The following ZBTB11 variants were observed in gnomAD, a reference collection of about 807,000 sequenced individuals.
ZBTB11 encodes zinc finger and BTB domain containing 11.
In ZBTB11, 68 loss-of-function variants were observed where a neutral mutation model predicts 113.1. The ratio of observed to expected loss-of-function variants is 0.60; its 90% CI spans 0.49 to 0.74. The LOEUF (loss-of-function observed/expected upper bound fraction) is 0.74, where lower values mean the gene tolerates loss of function less well. ZBTB11 is among the 30% of genes least tolerant of loss of function. The probability of loss-of-function intolerance (pLI) is 0.00; values close to 1 mark genes in which losing one functional copy is unlikely to be tolerated. For missense variants in ZBTB11, 1,104 were observed against 1,279.4 expected (o/e 0.86, Z 2.09); for synonymous variants, 518 against 452.6 (o/e 1.14, Z -1.83).
chr3:101,652,259 A>T (rs1275869557), intron 10 of ZBTB11, among the ~76,000 whole-genome samples: 1 of 152,350 alleles, frequency 6.6e-6, no homozygotes, highest in African/African-American at 2.4e-5. Flanking sequence ...TTCAAAGCAG[A>T]GGCTTCAAAT....
chr3:101,656,738 A>G (rs913799591), intron 6 of ZBTB11, among the ~76,000 whole-genome samples: 2 of 152,136 alleles, frequency 1.3e-5, no homozygotes, highest in Admixed American at 6.6e-5. Context: ...TTGCTATGAC[A>G]GTTTCTACAT....
At position 101,665,185 on chromosome 3, in the gene ZBTB11, C is replaced by T. The variant is rs377108340; in HGVS notation, c.1402G>A (p.Glu468Lys). ...TTCTGCCTATGTTTTGGAATGTCTT[C>T]GGCACAAATATCCTCAGCTGATATA... ...NDISAEDICAEDIPKHRQKVD... is the reference protein window; with the variant it reads ...NDISAEDICAKDIPKHRQKVD... Residue 468 changes from glutamate (E) to lysine (K), a missense_variant, in exon 4 of 11, where the codon GAA (glutamate) becomes AAA (lysine). Glu to Lys is a moderately conservative substitution (Grantham distance 56). Around this residue, in one of 5 missense-constraint regions of ZBTB11, gnomAD observed 535 missense variants for 518.6 expected, o/e 1.03. Coordinates refer to ENST00000312938, the MANE Select transcript of ZBTB11 (RefSeq NM_014415.4). The T allele has an allele frequency of 7.3e-5, 118 of 1,614,128 alleles. No individual in the cohort carries two copies. The highest frequency in any genetic ancestry group is 1.2e-4 in the South Asian group (11 of 91,082).
chr3:101,651,830 C>A, intron 10 of ZBTB11, 147 bp from the exon 11 acceptor site: 1 of 918,418 alleles, frequency 1.1e-6, no homozygotes, highest in Non-Finnish European at 1.5e-6. Flanking sequence ...TTAGGACTTT[C>A]CTTAGAATAA....
intron 3 of ZBTB11, among the ~76,000 whole-genome samples, chr3:101,668,716 T>A (rs879110818): frequency 6.6e-6 from 1 of 152,166 alleles, no homozygotes; most frequent in East Asian, 1.9e-4. Context: ...TTACCCTCAT[T>A]TGATCATTAC....
intron 10 of ZBTB11, among the ~76,000 whole-genome samples, chr3:101,651,990 G>A (rs751808793): frequency 2.6e-5 from 4 of 152,036 alleles, no homozygotes; most frequent in African/African-American, 4.8e-5. Flanking sequence ...TTAGCCCAGC[G>A]TGGTGGCGGG....
chr3:101,661,513 G>C (rs1936887343), intron 5 of ZBTB11, among the ~76,000 whole-genome samples: 1 of 152,178 alleles, frequency 6.6e-6, no homozygotes, highest in Non-Finnish European at 1.5e-5. Flanking sequence ...AAGTTTGACT[G>C]ATTGGCTGTA....
At chr3:101,663,789 C>T (rs1559985108) in intron 5 of ZBTB11, among the ~76,000 whole-genome samples, 1 of 152,128 alleles carries the variant, frequency 6.6e-6, no homozygotes, top group Non-Finnish European at 1.5e-5. Context: ...ACTCAGGAGG[C>T]TGAGGCAGGA....
rs775069455 is a variant in ZBTB11, at chr3:101,665,031, C to G, written c.1556G>C (p.Arg519Pro). Residue 519 changes from arginine to proline, a missense_variant, in exon 4 of 11, where the codon CGA becomes CCA. By Grantham distance (103) the Arg-to-Pro change is moderately radical. Around this residue, in one of 5 missense-constraint regions of ZBTB11, gnomAD observed 535 missense variants for 518.6 expected, o/e 1.03. Coordinates refer to ENST00000312938, the MANE Select transcript of ZBTB11 (RefSeq NM_014415.4). Reference protein sequence around the residue: ...QRSVNEGAYIRLHKGMEKKLQ... With the variant: ...QRSVNEGAYIPLHKGMEKKLQ... ...CTTTTTCTCCATTCCCTTGTGTAGT[C>G]GAATATATGCCCCTTCATTAACAGA... is the stretch of plus-strand genomic sequence containing the variant. The G allele has an allele frequency of 1.9e-6, 3 of 1,614,074 alleles. No individual in the cohort carries two copies. Among genetic ancestry groups the G allele is most frequent in the Non-Finnish European group, 2.5e-6 (3 of 1,180,004 alleles).
Position 101,651,132 on chromosome 3 carries a change from G to A in ZBTB11, c.*34C>T, listed in dbSNP as rs768743807. ...AATGTTCTGTGAGTTCAGTGTACAA[G>A]AGATGTCACTTCTTTTTATCTTCAT... On this transcript the variant is annotated 3_prime_UTR_variant, in exon 11 of 11. Transcript: ENST00000312938. 20 of 1,535,568 alleles carry A rather than the reference G, an allele frequency of 1.3e-5. No homozygotes were observed. Among genetic ancestry groups the A allele is most frequent in the South Asian group, 2.6e-5 (2 of 76,588 alleles).
intron 3 of ZBTB11, among the ~76,000 whole-genome samples, chr3:101,669,481 ATAGTT>A (rs1937051039): frequency 1.3e-5 from 2 of 152,262 alleles, no homozygotes; most frequent in Non-Finnish European, 2.9e-5. Flanking sequence ...ATGCTGTGCC[ATAGTT>A]TTTTTCAGGC....
chr3:101,676,431 T>C (rs1050714681), intron 1 of ZBTB11, 174 bp downstream of exon 1: 11 of 613,352 alleles, frequency 1.8e-5, no homozygotes, highest in Non-Finnish European at 2.5e-5. Flanking sequence ...CTCCTTCCTG[T>C]GGGAAGTGCG....
In ZBTB11 at chr3:101,651,576, C is replaced by A; in HGVS notation, c.2752G>T (p.Val918Leu). The A allele has an allele frequency of 6.2e-7, 1 of 1,613,682 alleles. No homozygotes were observed. The highest frequency in any genetic ancestry group is 8.5e-7 in the Non-Finnish European group (1 of 1,179,988). ...GCATCTATGTAGGCTTCGCTACATACAGGACAGACATAGGGCCGTTCACCA... is the reference window on the plus strand; with the variant it reads ...GCATCTATGTAGGCTTCGCTACATAAAGGACAGACATAGGGCCGTTCACCA... ...HTGERPYVCPVCSEAYIDART... is the reference protein window; with the variant it reads ...HTGERPYVCPLCSEAYIDART... The change falls in exon 11 of 11, where the codon GTA (valine) becomes TTA (leucine). Residue 918 changes from valine (V) to leucine (L), a missense_variant. Physicochemically the swap from Val to Leu is conservative, Grantham distance 32 (BLOSUM62 1). This residue lies in a region of ZBTB11 where 148 missense variants were observed against 259.3 expected (regional missense o/e 0.57). Coordinates refer to ENST00000312938, the MANE Select transcript of ZBTB11 (RefSeq NM_014415.4).
chr3:101,660,538 A>G (rs1936870436), intron 5 of ZBTB11, among the ~76,000 whole-genome samples: 1 of 152,192 alleles, frequency 6.6e-6, no homozygotes, highest in African/African-American at 2.4e-5. Flanking sequence ...CATCTCCACC[A>G]TATTTTGCTT....
intron 7 of ZBTB11, 120 bp downstream of exon 7, chr3:101,655,984 T>C: frequency 2.3e-6 from 2 of 863,340 alleles, no homozygotes; most frequent in Non-Finnish European, 3.2e-6. Context: ...TAAAATACTG[T>C]CTCAATACAA....
chr3:101,652,355 G>A (rs57671807), intron 10 of ZBTB11, 141 bp downstream of exon 10: 5 of 768,480 alleles, frequency 6.5e-6, no homozygotes, highest in Non-Finnish European at 1.0e-5. Flanking sequence ...TAGGTACTCA[G>A]GTTCAGGATC....
Position 101,676,967 on chromosome 3 carries a change from C to G in ZBTB11, c.-53G>C. On this transcript the variant is annotated 5_prime_UTR_variant, in exon 1 of 11. Coordinates refer to ENST00000312938, the MANE Select transcript of ZBTB11 (RefSeq NM_014415.4). Reference sequence around the variant, plus strand: ...TGTCAGGGACAGGTGAGGAAAACGGCCCGCTACCTACGGGCGGCTGCAGGA... The same window carrying G: ...TGTCAGGGACAGGTGAGGAAAACGGGCCGCTACCTACGGGCGGCTGCAGGA... The G allele has an allele frequency of 6.7e-7, 1 of 1,494,214 alleles. No individual in the cohort carries two copies. The highest frequency in any genetic ancestry group is 8.9e-7 in the Non-Finnish European group (1 of 1,121,880). 92.6% of individuals were successfully genotyped at this position (1,494,214 alleles called of 1,614,324 possible). A position where few individuals can be genotyped will look rare whatever the true frequency, so the allele number is the denominator to read the frequency against.
At chr3:101,671,922 G>T in intron 2 of ZBTB11, 56 bp downstream of exon 2, 1 of 1,374,872 alleles carries the variant, frequency 7.3e-7, no homozygotes, top group Non-Finnish European at 1.0e-6. Flanking sequence ...CACCAAGGCT[G>T]CAAATACTAG....
intron 7 of ZBTB11, 154 bp downstream of exon 7, chr3:101,655,950 C>T (rs1485012220): frequency 5.3e-5 from 30 of 568,308 alleles, no homozygotes; most frequent in African/African-American, 1.0e-4. Flanking sequence ...CGTGAGCCAC[C>T]GCGCCCAGCC....
At position 101,650,465 on chromosome 3, in the gene ZBTB11, A is replaced by T. The variant is rs1051853312; in HGVS notation, c.*701T>A. 1.3e-5 allele frequency: 2 copies of T among 152,642 alleles called. No individual in the cohort carries two copies. The highest frequency in any genetic ancestry group is 2.9e-5 in the Non-Finnish European group (2 of 68,022). The allele number at this position is 152,642 out of a possible 1,614,324, so 9.5% of individuals were successfully genotyped here. A position where few individuals can be genotyped will look rare whatever the true frequency, so the allele number is the denominator to read the frequency against. On this transcript the variant is annotated 3_prime_UTR_variant, in exon 11 of 11. Transcript: ENST00000312938. ...AGAAATAGTATAGTAAGGTTTTAAT[A>T]AGCATTTCATGCATTTTAATGGCAT...
Sources: gnomAD v4.1 joint callset for allele counts (sites outside exome capture counted in the v4.1 genomes callset) on GRCh38, gnomAD v4.1.1 for gene constraint, gnomAD v4.1.1 regional missense constraint, MANE v1.5 for transcripts, NCBI Gene and HGNC (gene_info 2026-07-23, HGNC 2026-07-21) for gene names.